Variants in ATP11C observed in about 807,000 individuals in gnomAD.
The protein encoded by ATP11C is ATPase phospholipid transporting 11C (ATP11C blood group).
A neutral mutation model predicts 97.4 loss-of-function variants in ATP11C; 36 were observed. The ratio of observed to expected loss-of-function variants is 0.37; its 90% CI spans 0.28 to 0.49. ATP11C has a LOEUF of 0.49. Among genes scored for constraint, ATP11C ranks in the 20% least tolerant of loss-of-function variants. The probability of loss-of-function intolerance (pLI) is 0.98; values close to 1 mark genes in which losing one functional copy is unlikely to be tolerated. For missense variants in ATP11C, 730 were observed against 824.6 expected (o/e 0.89, Z 1.40); for synonymous variants, 275 against 290.9 (o/e 0.95, Z 0.56).
In ATP11C at chrX:139,907,544, C is replaced by T. The variant is rs762654643; in HGVS notation, c.27+24472G>A. Among the ~76,000 whole-genome samples the T allele has an allele frequency of 1.1e-3, 119 of 110,270 alleles. 1 individual carries two copies. The Middle Eastern group carries it at 0.014, about 13-fold the overall frequency. ...GGGGCACATCACGAGGTCAGGAGATCGAGACCATCCTGGCTAACACGGTGA... is the reference window on the plus strand; with the variant it reads ...GGGGCACATCACGAGGTCAGGAGATTGAGACCATCCTGGCTAACACGGTGA... On this transcript the variant is annotated intron_variant, in intron 1 of 29. Transcript: ENST00000682941.
chrX:139,760,217 T>A (rs1399367597), intron 22 of ATP11C, among the ~76,000 whole-genome samples: 1 of 111,951 alleles, frequency 8.9e-6, no homozygotes, highest in Non-Finnish European at 1.9e-5. Context: ...TACTACTACT[T>A]GACTCATAGG....
chrX:139,737,029 A>G (rs1176854126), intron 28 of ATP11C, among the ~76,000 whole-genome samples: 1 of 111,168 alleles, frequency 9.0e-6, no homozygotes, highest in East Asian at 2.8e-4. Flanking sequence ...AATTTATCAA[A>G]TAAGTCAGGT....
At chrX:139,814,255 A>C (rs1430019632) in intron 5 of ATP11C, among the ~76,000 whole-genome samples, 2 of 111,392 alleles carry the variant, frequency 1.8e-5, no homozygotes, top group South Asian at 3.8e-4. Flanking sequence ...AAAAAAAAAA[A>C]TACTACTACC....
At chrX:139,738,301 G>T (rs2148619884) in intron 27 of ATP11C, among the ~76,000 whole-genome samples, 1 of 112,087 alleles carries the variant, frequency 8.9e-6, no homozygotes, top group African/African-American at 3.2e-5. Flanking sequence ...TTGACTTGAA[G>T]ACAATCAGGC....
At chrX:139,734,792 T>A (rs897677290) in intron 28 of ATP11C, among the ~76,000 whole-genome samples, 5 of 111,100 alleles carry the variant, frequency 4.5e-5, no homozygotes, top group Non-Finnish European at 7.6e-5. Context: ...GGGAAAAAAA[T>A]TAACCTCATT....
At chrX:139,770,620 G>A (rs5953643) in intron 19 of ATP11C, among the ~76,000 whole-genome samples, 20,142 of 109,678 alleles carry the variant, frequency 0.18, 3,105 homozygotes, top group African/African-American at 0.5. Context: ...TGAGAATGGG[G>A]GTATGAATAT....
chrX:139,872,149 A>C (rs1445022110), intron 1 of ATP11C, among the ~76,000 whole-genome samples: 1 of 111,199 alleles, frequency 9.0e-6, no homozygotes, highest in African/African-American at 3.3e-5. Flanking sequence ...GATAACAACC[A>C]TAGTACATTT....
At chrX:139,777,486 T>G (rs2082370787) in intron 18 of ATP11C, among the ~76,000 whole-genome samples, 1 of 110,094 alleles carries the variant, frequency 9.1e-6, no homozygotes, top group South Asian at 3.8e-4. Flanking sequence ...AAAAAAAAAT[T>G]TCAACATGAG....
intron 19 of ATP11C, among the ~76,000 whole-genome samples, chrX:139,771,274 GA>G (rs1353584213): frequency 3.6e-5 from 4 of 111,676 alleles, no homozygotes; most frequent in African/African-American, 1.3e-4. Context: ...AGCCATGTAA[GA>G]AGTGCCTTTT....
chrX:139,897,978 G>A (rs972581990), intron 1 of ATP11C, among the ~76,000 whole-genome samples: 5 of 110,313 alleles, frequency 4.5e-5, no homozygotes, highest in Admixed American at 1.9e-4. Context: ...AATTAGGAGT[G>A]GGGTGGGTAG....
chrX:139,905,572 C>G (rs1453931049), intron 1 of ATP11C, among the ~76,000 whole-genome samples: 1 of 111,725 alleles, frequency 9.0e-6, no homozygotes, highest in Non-Finnish European at 1.9e-5. Context: ...TCTATGTACT[C>G]CAACCTAGGG....
Position 139,783,175 on chromosome X carries a change from G to C in ATP11C, c.1759C>G (p.Arg587Gly). ...GAGTATAGGCTCACCATTGCATTAC[G>C]TTCCACATGGACTTTAGTTAACTCA... ...EIELTKVHVERNAMDGYRTLC... is the reference protein window; with the variant it reads ...EIELTKVHVEGNAMDGYRTLC... The change falls in exon 17 of 30, where the codon CGT becomes GGT. Residue 587 changes from arginine to glycine, a missense_variant. Coordinates refer to ENST00000682941, the MANE Select transcript of ATP11C (RefSeq NM_001353812.2). 2 of 1,199,054 alleles carry C rather than the reference G, an allele frequency of 1.7e-6. No homozygotes were observed. Among genetic ancestry groups the C allele is most frequent in the Non-Finnish European group, 2.3e-6 (2 of 885,456 alleles).
chrX:139,754,386 C>T lies in ATP11C; in HGVS notation c.2700+3422G>A, dbSNP rs1031903774. 5.4e-5 allele frequency among the ~76,000 whole-genome samples: 6 copies of T among 111,451 alleles called. No homozygotes were observed. The South Asian group carries it at 1.9e-3, about 35-fold the overall frequency. ...AAAAAAGCTCAGGACCAGATGGAGT[C>T]ACAGCCAAATTCTACCAGATGTATA... On this transcript the variant is annotated intron_variant, in intron 23 of 29. Coordinates refer to ENST00000682941, the MANE Select transcript of ATP11C (RefSeq NM_001353812.2).
intron 2 of ATP11C, among the ~76,000 whole-genome samples, chrX:139,820,910 G>A (rs765836529): frequency 5.4e-5 from 6 of 111,377 alleles, no homozygotes; most frequent in African/African-American, 2.0e-4. Flanking sequence ...GTTGGCCTAA[G>A]AGTTCTCGTC....
intron 1 of ATP11C, among the ~76,000 whole-genome samples, chrX:139,875,191 T>C (rs1337331189): frequency 9.0e-6 from 1 of 111,126 alleles, no homozygotes; most frequent in African/African-American, 3.3e-5. Flanking sequence ...CCACTAAAGT[T>C]CTTTTAGTTA....
chrX:139,841,593 G>A (rs991177678), intron 1 of ATP11C, among the ~76,000 whole-genome samples: 3 of 111,868 alleles, frequency 2.7e-5, no homozygotes, highest in Non-Finnish European at 5.6e-5. Flanking sequence ...TTTCATTGAT[G>A]TTCAAAAGAC....
intron 1 of ATP11C, among the ~76,000 whole-genome samples, chrX:139,888,339 G>C (rs1035686693): frequency 1.2e-4 from 13 of 109,900 alleles, no homozygotes; most frequent in African/African-American, 4.3e-4. Context: ...CACCATGTTG[G>C]CCAGGCTGCT....
chrX:139,797,095 G>A (rs1225812027), intron 11 of ATP11C, 81 bp downstream of exon 11: 1 of 923,680 alleles, frequency 1.1e-6, no homozygotes, highest in African/African-American at 2.0e-5. Context: ...AACAAAAGGT[G>A]CCGTTTCCCT....
chrX:139,882,769 T>A (rs1033587175), intron 1 of ATP11C, among the ~76,000 whole-genome samples: 6 of 111,539 alleles, frequency 5.4e-5, no homozygotes, highest in African/African-American at 2.0e-4. Context: ...TTTAATCCTG[T>A]GTGTCTGTTT....
Sources: gnomAD v4.1 joint callset for allele counts (sites outside exome capture counted in the v4.1 genomes callset) on GRCh38, gnomAD v4.1.1 for gene constraint, MANE v1.5 for transcripts, NCBI Gene and HGNC (gene_info 2026-07-23, HGNC 2026-07-21) for gene names.